Variants in ZNF623 observed in about 807,000 individuals in gnomAD.
ZNF623 encodes the protein zinc finger protein 623.
ZNF623 carries 16 observed loss-of-function variants against 24.0 expected under a neutral mutation model. That is an observed-to-expected ratio of 0.67 (90% CI 0.45 to 1.01). The LOEUF (loss-of-function observed/expected upper bound fraction) is 1.01, where lower values mean the gene tolerates loss of function less well. Ranked by LOEUF, ZNF623 falls within the 50% of genes least tolerant of loss-of-function variation. The probability of loss-of-function intolerance (pLI) is 0.00; values close to 1 mark genes in which losing one functional copy is unlikely to be tolerated. For synonymous variants in ZNF623, 224 were observed against 219.8 expected, an observed-to-expected ratio of 1.02 and a Z score of -0.17; for missense variants, 566 against 606.5, an observed-to-expected ratio of 0.93 and a Z score of 0.70.
In ZNF623 at chr8:143,651,212, T is replaced by A; in HGVS notation, c.1220T>A (p.Leu407His). The change falls in exon 2 of 2, where the codon CTT (leucine) becomes CAT (histidine). Residue 407 changes from leucine (L) to histidine (H), a missense_variant. Physicochemically the swap from Leu to His is moderately conservative, Grantham distance 99. Transcript: ENST00000526926. ...GKAFIQSSKL[L>H]LHQIIHTGEK... Reference sequence around the variant, plus strand: ...GCCTTCATCCAGAGCTCCAAGCTGCTTCTGCACCAGATTATTCACACTGGA... The same window carrying A: ...GCCTTCATCCAGAGCTCCAAGCTGCATCTGCACCAGATTATTCACACTGGA... 1.2e-6 allele frequency: 2 copies of A among 1,614,222 alleles called. No homozygotes were observed. The highest frequency in any genetic ancestry group is 2.2e-5 in the South Asian group (2 of 91,090).
chr8:143,652,769 T>A lies in ZNF623; in HGVS notation c.*1286T>A, dbSNP rs1417843003. 6.0e-6 allele frequency: 1 copy of A among 167,126 alleles called. No homozygotes were observed. The highest frequency in any genetic ancestry group is 1.5e-5 in the Non-Finnish European group (1 of 68,110). 10.4% of individuals were successfully genotyped at this position (167,126 alleles called of 1,614,324 possible). A position where few individuals can be genotyped will look rare whatever the true frequency, so the allele number is the denominator to read the frequency against. ...AATGCGCTACGTAACTCTTCTGTTG[T>A]AGCAGTTCTGAGGTTGAACTGAGCT... On this transcript the variant is annotated 3_prime_UTR_variant, in exon 2 of 2. Transcript: ENST00000526926.
chr8:143,637,109 G>A (rs1261005033), intron 1 of ZNF623, among the ~76,000 whole-genome samples: 2 of 152,230 alleles, frequency 1.3e-5, no homozygotes, highest in Non-Finnish European at 2.9e-5. Flanking sequence ...GGCGGGGGCA[G>A]TTGACAGCTG....
chr8:143,637,060 A>C (rs1381507614), intron 1 of ZNF623, among the ~76,000 whole-genome samples: 2 of 152,172 alleles, frequency 1.3e-5, no homozygotes, highest in Non-Finnish European at 2.9e-5. Flanking sequence ...CAGAGCCCTG[A>C]GCAGCATGCC....
At chr8:143,645,437 A>G (rs1815156242) in intron 1 of ZNF623, among the ~76,000 whole-genome samples, 1 of 151,938 alleles carries the variant, frequency 6.6e-6, no homozygotes, top group African/African-American at 2.4e-5. Flanking sequence ...ATCTCAAAAA[A>G]AAAAAAAAGA....
At position 143,651,537 on chromosome 8, in the gene ZNF623, T is replaced by G; in HGVS notation, c.*54T>G. On this transcript the variant is annotated 3_prime_UTR_variant, in exon 2 of 2. Transcript: ENST00000526926. ...TGTTTGGAAATGCGTGGAATTAGGA[T>G]TCATGTGGTTTCTAAGATTTGGACA... 4 of 1,519,566 alleles carry G rather than the reference T, an allele frequency of 2.6e-6. No individual in the cohort carries two copies. Among genetic ancestry groups the G allele is most frequent in the Non-Finnish European group, 2.6e-6 (3 of 1,135,376 alleles). 94.1% of individuals were successfully genotyped at this position (1,519,566 alleles called of 1,614,324 possible). A position where few individuals can be genotyped will look rare whatever the true frequency, so the allele number is the denominator to read the frequency against.
chr8:143,637,542 A>C (rs748259549), intron 1 of ZNF623, among the ~76,000 whole-genome samples: 66 of 50,014 alleles, frequency 1.3e-3, no homozygotes, highest in Non-Finnish European at 7.3e-3. Flanking sequence ...AGTGATATTT[A>C]TTTATTTATT....
chr8:143,649,569 A>G (rs1815246783), intron 1 of ZNF623: 1 of 377,740 alleles, frequency 2.6e-6, no homozygotes, highest in Non-Finnish European at 4.8e-6. Flanking sequence ...GTTTGTTTAA[A>G]GTATCTGTCT....
At chr8:143,644,792 C>T (rs574762071) in intron 1 of ZNF623, among the ~76,000 whole-genome samples, 7 of 147,676 alleles carry the variant, frequency 4.7e-5, no homozygotes, top group African/African-American at 1.8e-4. Context: ...ATCACGCCAC[C>T]ATGCAATCAG....
At position 143,641,716 on chromosome 8, in the gene ZNF623, C is replaced by T. The variant is rs1246145785; in HGVS notation, c.-96+5571C>T. Among the ~76,000 whole-genome samples the T allele has an allele frequency of 1.6e-5, 2 of 128,750 alleles. 1 individual carries two copies. The highest frequency in any genetic ancestry group is 5.5e-5 in the African/African-American group (2 of 36,640). 84.5% of individuals were successfully genotyped at this position (128,750 alleles called of 152,430 possible). ...TCCTGACCTCGTGATCCACCCGCCTCGGCCTCCCAAAGTGCTGGGATTACA... is the reference window on the plus strand; with the variant it reads ...TCCTGACCTCGTGATCCACCCGCCTTGGCCTCCCAAAGTGCTGGGATTACA... On this transcript the variant is annotated intron_variant, in intron 1 of 1. Coordinates refer to ENST00000526926, the MANE Select transcript of ZNF623 (RefSeq NM_001261843.2).
At chr8:143,643,650 CAG>C (rs2131444829) in intron 1 of ZNF623, among the ~76,000 whole-genome samples, 1 of 152,374 alleles carries the variant, frequency 6.6e-6, no homozygotes, top group African/African-American at 2.4e-5. Context: ...CTGCCAGTGA[CAG>C]TGTCTCCTGA....
rs1417273333 is a variant in ZNF623 at position 143,651,023 on chromosome 8, T to G, written c.1031T>G (p.Phe344Cys). 6.2e-6 allele frequency: 10 copies of G among 1,614,052 alleles called. No homozygotes were observed. The highest frequency in any genetic ancestry group is 8.5e-6 in the Non-Finnish European group (10 of 1,180,032). The change falls in exon 2 of 2, where the codon TTC (phenylalanine) becomes TGC (cysteine). Residue 344 changes from phenylalanine (F) to cysteine (C), a missense_variant. By Grantham distance (205) the Phe-to-Cys change is radical. Coordinates refer to ENST00000526926, the MANE Select transcript of ZNF623 (RefSeq NM_001261843.2). ...LYECNECGKA[F>C]FLSSYLIRHQ... ...GAATGTAACGAGTGTGGGAAAGCTT[T>G]CTTTCTGAGTTCATACCTTATTCGA...
Position 143,650,828 on chromosome 8 carries a change from T to C in ZNF623, c.836T>C (p.Phe279Ser). 1 of 1,614,146 alleles carries C rather than the reference T, an allele frequency of 6.2e-7. No individual in the cohort carries two copies. The highest frequency in any genetic ancestry group is 8.5e-7 in the Non-Finnish European group (1 of 1,180,018). The change falls in exon 2 of 2, where the codon TTT becomes TCT. Residue 279 changes from phenylalanine (F) to serine (S), a missense_variant. Phe to Ser is a radical substitution (Grantham distance 155). Transcript: ENST00000526926. The surrounding 1 kb of genome is among the most constrained non-coding windows in gnomAD (Gnocchi z 5.2). ...AGAATTCACACCGGAGAGAGACCCT[T>C]TGAATGCAATGAGTGTGGGAAAGCC... Reference protein sequence around the residue: ...HQRIHTGERPFECNECGKAFI... With the variant: ...HQRIHTGERPSECNECGKAFI...
intron 1 of ZNF623, among the ~76,000 whole-genome samples, chr8:143,648,751 G>A (rs1315951657): frequency 6.6e-6 from 1 of 152,144 alleles, no homozygotes; most frequent in Non-Finnish European, 1.5e-5. Context: ...AAGCCTGGCA[G>A]AGGATGGGTG....
At chr8:143,636,266 C>A (rs1182158138) in intron 1 of ZNF623, 121 bp downstream of exon 1, 2 of 152,138 alleles carry the variant, frequency 1.3e-5, no homozygotes, top group African/African-American at 2.4e-5. Flanking sequence ...GTCCGCAGGC[C>A]GCTGCCCGCC....
chr8:143,645,964 G>A (rs916445169), intron 1 of ZNF623, among the ~76,000 whole-genome samples: 4 of 152,126 alleles, frequency 2.6e-5, no homozygotes, highest in African/African-American at 9.7e-5. Flanking sequence ...AAGAGCTGTA[G>A]CAAGCACTGT....
At chr8:143,644,391 C>G (rs1292500648) in intron 1 of ZNF623, among the ~76,000 whole-genome samples, 1 of 152,120 alleles carries the variant, frequency 6.6e-6, no homozygotes. Flanking sequence ...TCCCCCCTCC[C>G]TCATTATATT....
At position 143,648,474 on chromosome 8, in the gene ZNF623, C is replaced by T. The variant is rs542254795; in HGVS notation, c.-95-1424C>T. ...AGAAATCGAGCGTGGGGTGGGGGCTCTTTGAATGGGGCTGCGGAGGAGGAG... is the reference window on the plus strand; with the variant it reads ...AGAAATCGAGCGTGGGGTGGGGGCTTTTTGAATGGGGCTGCGGAGGAGGAG... On this transcript the variant is annotated intron_variant, in intron 1 of 1. Coordinates refer to ENST00000526926, the MANE Select transcript of ZNF623 (RefSeq NM_001261843.2). Among the ~76,000 whole-genome samples, 3 of 152,066 alleles carry T rather than the reference C, an allele frequency of 2.0e-5. No individual in the cohort carries two copies. In the South Asian group the frequency reaches 6.2e-4, roughly 32 times the overall value.
rs535569370 is a variant in ZNF623 at position 143,647,210 on chromosome 8, G to A, written c.-95-2688G>A. 1.4e-4 allele frequency among the ~76,000 whole-genome samples: 22 copies of A among 152,226 alleles called. No homozygotes were observed. The South Asian group carries it at 4.6e-3, about 32-fold the overall frequency. On this transcript the variant is annotated intron_variant, in intron 1 of 1. Coordinates refer to ENST00000526926, the MANE Select transcript of ZNF623 (RefSeq NM_001261843.2). ...GCGTCTTGCTCTGTCACTCAGGCTG[G>A]AGTGCAGTGGCACAATTTTGGCTCA...
At chr8:143,647,537 A>G (rs1373870197) in intron 1 of ZNF623, among the ~76,000 whole-genome samples, 1 of 152,220 alleles carries the variant, frequency 6.6e-6, no homozygotes, top group African/African-American at 2.4e-5. Flanking sequence ...AAGGACATCT[A>G]GGAGTGAACC....
Sources: gnomAD v4.1 joint callset for allele counts (sites outside exome capture counted in the v4.1 genomes callset) on GRCh38, gnomAD v4.1.1 for gene constraint, Gnocchi (gnomAD v3.1) non-coding constraint, MANE v1.5 for transcripts, NCBI Gene and HGNC (gene_info 2026-07-23, HGNC 2026-07-21) for gene names.